CD302: variants seen among roughly 807,000 people sequenced by gnomAD.
CD302 encodes the protein CD302 antigen.
CD302 carries 23 observed loss-of-function variants against 26.5 expected under a neutral mutation model. The ratio of observed to expected loss-of-function variants is 0.87; its 90% confidence interval spans 0.62 to 1.23. The LOEUF (loss-of-function observed/expected upper bound fraction) is 1.23, where lower values mean the gene tolerates loss of function less well. Ranked by LOEUF, CD302 falls within the 50% of genes most tolerant of loss-of-function variation. The pLI is 0.00. For missense variants in CD302, 290 were observed against 275.5 expected, an observed-to-expected ratio of 1.05 and a Z score of -0.37; for synonymous variants, 90 against 99.4, an observed-to-expected ratio of 0.91 and a Z score of 0.56.
At chr2:159,773,339 CAT>C (rs1461255184) in intron 5 of CD302, among the ~76,000 whole-genome samples, 3 of 152,186 alleles carry the variant, frequency 2.0e-5, no homozygotes, top group Non-Finnish European at 4.4e-5. Context: ...TTAGAATTAA[CAT>C]AGTCCATTTT....
intron 5 of CD302, among the ~76,000 whole-genome samples, chr2:159,776,750 G>T (rs1038374320): frequency 6.9e-6 from 1 of 144,364 alleles, no homozygotes; most frequent in South Asian, 2.2e-4. Context: ...TGTCGCCGAG[G>T]CTGGAGGGCA....
intron 3 of CD302, among the ~76,000 whole-genome samples, chr2:159,780,615 TA>T (rs974740219): frequency 4.2e-4 from 64 of 152,334 alleles, no homozygotes; most frequent in Non-Finnish European, 6.0e-4. Flanking sequence ...CACTAATACT[TA>T]CCTTTATGAT....
chr2:159,782,362 G>A (rs563387950), intron 2 of CD302, among the ~76,000 whole-genome samples: 2 of 137,758 alleles, frequency 1.5e-5, no homozygotes, highest in South Asian at 2.2e-4. Flanking sequence ...GCAGTGAGCC[G>A]AGATCACGCC....
intron 1 of CD302, 134 bp downstream of exon 1, chr2:159,797,998 G>A (rs1425632981): frequency 3.7e-6 from 3 of 816,870 alleles, no homozygotes; most frequent in Non-Finnish European, 5.5e-6. Flanking sequence ...CGGGCGTGCA[G>A]GGAAGGGCGG....
At chr2:159,789,191 G>A (rs1482141641) in intron 1 of CD302, among the ~76,000 whole-genome samples, 1 of 151,696 alleles carries the variant, frequency 6.6e-6, no homozygotes, top group Non-Finnish European at 1.5e-5. Flanking sequence ...TGTAGAGACA[G>A]GGGTGTCACT....
intron 1 of CD302, among the ~76,000 whole-genome samples, chr2:159,786,631 G>A (rs1371329278): frequency 5.3e-5 from 8 of 152,258 alleles, no homozygotes; most frequent in Middle Eastern, 3.4e-3. Context: ...ACTGCGCCCG[G>A]CCAAGTTTCT....
At chr2:159,775,539 A>G (rs2125793651) in intron 5 of CD302, among the ~76,000 whole-genome samples, 1 of 152,316 alleles carries the variant, frequency 6.6e-6, no homozygotes, top group South Asian at 2.1e-4. Context: ...CTGAACATCC[A>G]TTCCTTAAAG....
intron 5 of CD302, among the ~76,000 whole-genome samples, chr2:159,777,046 C>T (rs891057780): frequency 1.4e-4 from 21 of 152,090 alleles, no homozygotes; most frequent in African/African-American, 4.8e-4. Context: ...CCTTTGAACC[C>T]AGGAGTTTGA....
Position 159,771,610 on chromosome 2 carries a change from A to G in CD302, c.*241T>C. On this transcript the variant is annotated 3_prime_UTR_variant, in exon 6 of 6. Coordinates refer to ENST00000259053, the MANE Select transcript of CD302 (RefSeq NM_014880.5). ...CTTTAAGCTTTCCTTCATTCAAGTG[A>G]CAGATTCTGCCTTTGACGGGATGCT... is the stretch of plus-strand genomic sequence containing the variant. The G allele has an allele frequency of 2.5e-6, 1 of 395,388 alleles. No homozygotes were observed. Among genetic ancestry groups the G allele is most frequent in the Non-Finnish European group, 4.5e-6 (1 of 221,910 alleles). The allele number at this position is 395,388 out of a possible 1,614,324, so 24.5% of individuals were successfully genotyped here. A position where few individuals can be genotyped will look rare whatever the true frequency, so the allele number is the denominator to read the frequency against.
chr2:159,785,407 G>A (rs1708641295), intron 1 of CD302, among the ~76,000 whole-genome samples: 1 of 152,068 alleles, frequency 6.6e-6, no homozygotes, highest in African/African-American at 2.4e-5. Context: ...TTAAAGATAC[G>A]GTTGTTTTGC....
chr2:159,775,343 G>A (rs1708279428), intron 5 of CD302, among the ~76,000 whole-genome samples: 1 of 152,170 alleles, frequency 6.6e-6, no homozygotes, highest in African/African-American at 2.4e-5. Context: ...TTTTCTTGTA[G>A]TCTGAAGACC....
chr2:159,788,568 T>C (rs1204155962), intron 1 of CD302, among the ~76,000 whole-genome samples: 1 of 152,240 alleles, frequency 6.6e-6, no homozygotes, highest in African/African-American at 2.4e-5. Context: ...TGAATCACTA[T>C]AGTTTTGTTG....
chr2:159,768,748 A>G lies in CD302; in HGVS notation c.*3103T>C, dbSNP rs1465689006. ...GCATTGTCTGTCTTAAAGCAAAAATATAAAATTTAAGGGTGGTAGTTTTAA... is the reference window on the plus strand; with the variant it reads ...GCATTGTCTGTCTTAAAGCAAAAATGTAAAATTTAAGGGTGGTAGTTTTAA... On this transcript the variant is annotated 3_prime_UTR_variant, in exon 6 of 6. Transcript: ENST00000259053. 1.3e-5 allele frequency: 2 copies of G among 152,410 alleles called. No homozygotes were observed. The highest frequency in any genetic ancestry group is 1.5e-5 in the Non-Finnish European group (1 of 68,020). The allele number at this position is 152,410 out of a possible 1,614,324, so 9.4% of individuals were successfully genotyped here.
rs1221968242 is a variant in CD302 at position 159,770,886 on chromosome 2, ATTCT to A, written c.*961_*964del. 1.3e-5 allele frequency: 2 copies of A among 152,146 alleles called. No individual in the cohort carries two copies. The highest frequency in any genetic ancestry group is 2.4e-5 in the African/African-American group (1 of 41,446). The allele number at this position is 152,146 out of a possible 1,614,324, so 9.4% of individuals were successfully genotyped here. A position where few individuals can be genotyped will look rare whatever the true frequency, so the allele number is the denominator to read the frequency against. The stretch of plus-strand genomic sequence containing the variant: ...TGACTAATTTACGTGAAATTTATAC[ATTCT>A]TTATCTTTCCTGTTTTTGGTTTATT... On this transcript the variant is annotated 3_prime_UTR_variant, in exon 6 of 6. Transcript: ENST00000259053.
chr2:159,780,203 CATT>C (rs1258851966), intron 3 of CD302, 25 bp from the exon 4 acceptor site: 2 of 1,608,948 alleles, frequency 1.2e-6, no homozygotes, highest in African/African-American at 1.3e-5. Flanking sequence ...ATATTTTCAA[CATT>C]ATGACAGTTT....
chr2:159,787,183 C>A (rs1004882554), intron 1 of CD302, among the ~76,000 whole-genome samples: 1 of 152,152 alleles, frequency 6.6e-6, no homozygotes, highest in Non-Finnish European at 1.5e-5. Context: ...ATCGAGTATG[C>A]ATGTGCCCAG....
Position 159,779,993 on chromosome 2 carries a change from G to T in CD302, c.469+12C>A, listed in dbSNP as rs199508718. ...CCTTCTAGAATGGAAAAACACCTTC[G>T]GTCATACTTACTAGCTGTTTTGCAT... On this transcript the variant is annotated intron_variant, in intron 4 of 5. Coordinates refer to ENST00000259053, the MANE Select transcript of CD302 (RefSeq NM_014880.5). 1 of 1,605,448 alleles carries T rather than the reference G, an allele frequency of 6.2e-7. No individual in the cohort carries two copies. Among genetic ancestry groups the T allele is most frequent in the Non-Finnish European group, 8.5e-7 (1 of 1,175,502 alleles).
chr2:159,777,753 A>G (rs1235925118), intron 5 of CD302, among the ~76,000 whole-genome samples, 185 bp downstream of exon 5: 3 of 152,216 alleles, frequency 2.0e-5, no homozygotes, highest in African/African-American at 7.2e-5. Context: ...AGACAAAACT[A>G]CATATTGTAG....
At chr2:159,775,510 C>T (rs1482693380) in intron 5 of CD302, among the ~76,000 whole-genome samples, 2 of 152,188 alleles carry the variant, frequency 1.3e-5, no homozygotes, top group Non-Finnish European at 2.9e-5. Context: ...AAATACTGTG[C>T]TCCTGCTCCA....
Sources: allele counts gnomAD v4.1 joint callset (sites outside exome capture counted in the v4.1 genomes callset), GRCh38; gene constraint gnomAD v4.1.1; transcripts MANE v1.5; gene names NCBI Gene and HGNC (gene_info 2026-07-23, HGNC 2026-07-21).